The following HECW2 variants were observed in gnomAD, a reference collection of about 807,000 sequenced individuals.
HECW2 encodes the protein HECT, C2 and WW domain containing E3 ubiquitin protein ligase 2.
Under a neutral mutation model 175.2 loss-of-function variants are expected in HECW2, and 61 were observed. The observed-to-expected ratio is 0.35, with a 90% CI of 0.28 to 0.43. The LOEUF is 0.43. HECW2 is among the 20% of genes least tolerant of loss of function. The pLI, the probability that HECW2 is intolerant of heterozygous loss-of-function variation, is 1.00. For missense variants in HECW2, 1,524 were observed against 2,000.5 expected, an observed-to-expected ratio of 0.76 and a Z score of 4.54; for synonymous variants, 671 against 731.0, an observed-to-expected ratio of 0.92 and a Z score of 1.32.
At chr2:196,236,454 C>T (rs4416234) in intron 21 of HECW2, among the ~76,000 whole-genome samples, 77,541 of 151,714 alleles carry the variant, frequency 0.51, 22,871 homozygotes, top group Non-Finnish European at 0.66. Context: ...TAGTATAATA[C>T]ATTTGTTATA....
At chr2:196,283,340 C>A (rs887919217) in intron 14 of HECW2, among the ~76,000 whole-genome samples, 1 of 149,220 alleles carries the variant, frequency 6.7e-6, no homozygotes, top group Non-Finnish European at 1.5e-5. Context: ...CAACCCTAGA[C>A]TGCCTACCTC....
At chr2:196,421,474 T>C (rs1343593356) in intron 2 of HECW2, among the ~76,000 whole-genome samples, 2 of 152,146 alleles carry the variant, frequency 1.3e-5, no homozygotes, top group Non-Finnish European at 2.9e-5. Flanking sequence ...GATAAAATAA[T>C]TGCATTATAA....
chr2:196,401,584 T>C (rs10931743), intron 2 of HECW2, among the ~76,000 whole-genome samples: 138,388 of 152,224 alleles, frequency 0.91, 63,455 homozygotes, highest in East Asian at 1. Context: ...TCAGTTGTTC[T>C]TTTTGTCAAA....
At chr2:196,240,936 A>T (rs5013977) in intron 20 of HECW2, among the ~76,000 whole-genome samples, 31,779 of 152,132 alleles carry the variant, frequency 0.21, 4,025 homozygotes, top group East Asian at 0.41. Context: ...CTATGAGGCA[A>T]TGTTTTAAGT....
At chr2:196,585,135 C>T (rs892411660) in intron 1 of HECW2, among the ~76,000 whole-genome samples, 3 of 152,172 alleles carry the variant, frequency 2.0e-5, no homozygotes, top group African/African-American at 7.2e-5. Flanking sequence ...GTATACCATA[C>T]ATACCAACGC....
intron 1 of HECW2, among the ~76,000 whole-genome samples, chr2:196,464,405 T>C (rs186055801): frequency 2.0e-5 from 3 of 152,302 alleles, no homozygotes; most frequent in African/African-American, 7.2e-5. Flanking sequence ...TTACTAATCA[T>C]GAAGATGCCA....
At chr2:196,323,226 A>C (rs543015913) in intron 6 of HECW2, among the ~76,000 whole-genome samples, 63 of 152,356 alleles carry the variant, frequency 4.1e-4, no homozygotes, top group African/African-American at 1.1e-3. Context: ...TATGAGGTTA[A>C]GATAGCTTTT....
At chr2:196,290,573 A>G (rs558198704) in intron 14 of HECW2, 28 of 152,222 alleles carry the variant, frequency 1.8e-4, no homozygotes, top group African/African-American at 6.3e-4. Flanking sequence ...ACAGCTCCTC[A>G]TTCATGATTC....
intron 2 of HECW2, among the ~76,000 whole-genome samples, chr2:196,374,322 A>G (rs1403586681): frequency 1.3e-5 from 2 of 152,246 alleles, no homozygotes; most frequent in African/African-American, 4.8e-5. Context: ...TATAAAATAA[A>G]TATGTATACA....
chr2:196,546,248 T>G (rs1022471587), intron 1 of HECW2, among the ~76,000 whole-genome samples: 2 of 152,202 alleles, frequency 1.3e-5, no homozygotes, highest in Admixed American at 1.3e-4. Context: ...CCCAGCTTCT[T>G]GTCTTAATTA....
At chr2:196,243,682 C>T (rs1277180511) in intron 19 of HECW2, among the ~76,000 whole-genome samples, 3 of 151,634 alleles carry the variant, frequency 2.0e-5, no homozygotes, top group Non-Finnish European at 4.4e-5. Context: ...TGAGTTCAAG[C>T]GATTCTCCTG....
rs143111769 is a variant in HECW2 at position 196,227,438 on chromosome 2, T to C, written c.3917+664A>G. Reference sequence around the variant, plus strand: ...ATAATCTTCAGATGGGAATCCTAAATCAGTTTCCTTGATTTTGTGTGAGAA... The same window carrying C: ...ATAATCTTCAGATGGGAATCCTAAACCAGTTTCCTTGATTTTGTGTGAGAA... On this transcript the variant is annotated intron_variant, in intron 22 of 28. Transcript: ENST00000644978. Among the ~76,000 whole-genome samples the C allele has an allele frequency of 8.6e-4, 131 of 152,320 alleles. 1 individual carries two copies. The highest frequency in any genetic ancestry group is 3.4e-3 in the Middle Eastern group (1 of 294).
chr2:196,430,439 T>A (rs371742045), intron 2 of HECW2, among the ~76,000 whole-genome samples: 19 of 148,372 alleles, frequency 1.3e-4, no homozygotes, highest in African/African-American at 4.5e-4. Flanking sequence ...AAAAAAAAAA[T>A]AGTCAATAGG....
At chr2:196,552,526 T>G (rs959438038) in intron 1 of HECW2, among the ~76,000 whole-genome samples, 1 of 152,212 alleles carries the variant, frequency 6.6e-6, no homozygotes, top group African/African-American at 2.4e-5. Flanking sequence ...CAAAGAAGCC[T>G]TACTATTAAA....
chr2:196,561,140 G>C (rs1023844424), intron 1 of HECW2, among the ~76,000 whole-genome samples: 1 of 152,184 alleles, frequency 6.6e-6, no homozygotes, highest in African/African-American at 2.4e-5. Flanking sequence ...CCCCAGTAAG[G>C]AATATTAATA....
At chr2:196,572,056 C>T (rs1690407667) in intron 1 of HECW2, among the ~76,000 whole-genome samples, 1 of 152,126 alleles carries the variant, frequency 6.6e-6, no homozygotes, top group Admixed American at 6.5e-5. Flanking sequence ...TATGAGTCCA[C>T]TTATATGAGG....
In HECW2 at chr2:196,354,437, T is replaced by C. The variant is rs570428256; in HGVS notation, c.293-10673A>G. ...CTAGGGGCTGAGCACACAGTCGCAGTGGCCCTGGGTTCCACACTGGAGTGC... is the reference window on the plus strand; with the variant it reads ...CTAGGGGCTGAGCACACAGTCGCAGCGGCCCTGGGTTCCACACTGGAGTGC... On this transcript the variant is annotated intron_variant, in intron 2 of 28. Coordinates refer to ENST00000644978, the MANE Select transcript of HECW2 (RefSeq NM_001348768.2). 1.1e-4 allele frequency among the ~76,000 whole-genome samples: 17 copies of C among 152,356 alleles called. No individual in the cohort carries two copies. In the South Asian group the frequency reaches 3.3e-3, roughly 30 times the overall value.
At chr2:196,467,041 C>G (rs909264649) in intron 1 of HECW2, among the ~76,000 whole-genome samples, 3 of 152,162 alleles carry the variant, frequency 2.0e-5, no homozygotes, top group African/African-American at 7.2e-5. Context: ...CCTGAACCTC[C>G]TGCTAGGGAT....
chr2:196,257,306 GT>G (rs1437688019), intron 18 of HECW2, among the ~76,000 whole-genome samples: 1 of 152,158 alleles, frequency 6.6e-6, no homozygotes, highest in Non-Finnish European at 1.5e-5. Context: ...TAATTGGTCA[GT>G]TTTATGAAGG....
Sources: gnomAD v4.1 joint callset for allele counts (sites outside exome capture counted in the v4.1 genomes callset) on GRCh38, gnomAD v4.1.1 for gene constraint, MANE v1.5 for transcripts, NCBI Gene and HGNC (gene_info 2026-07-23, HGNC 2026-07-21) for gene names.